The following PDE8B variants were observed in gnomAD, a reference collection of about 807,000 sequenced individuals.
PDE8B encodes high affinity cAMP-specific and IBMX-insensitive 3',5'-cyclic phosphodiesterase 8B.
PDE8B carries 26 observed loss-of-function variants against 101.3 expected under a neutral mutation model. That is an observed-to-expected ratio of 0.26 (90% confidence interval 0.19 to 0.36). PDE8B has a LOEUF of 0.36. PDE8B is among the 10% of genes least tolerant of loss of function. The probability of loss-of-function intolerance (pLI) is 1.00; values close to 1 mark genes in which losing one functional copy is unlikely to be tolerated. For synonymous variants in PDE8B, 424 were observed against 429.3 expected (o/e 0.99, Z 0.15); for missense variants, 810 against 1,163.1 (o/e 0.70, Z 4.42).
chr5:77,210,730 T>G lies in PDE8B; in HGVS notation c.-196T>G, dbSNP rs1183600247. 1.0e-6 allele frequency: 1 copy of G among 980,404 alleles called. No homozygotes were observed. Among genetic ancestry groups the G allele is most frequent in the African/African-American group, 1.8e-5 (1 of 56,514 alleles). The allele number at this position is 980,404 out of a possible 1,614,324, so 60.7% of individuals were successfully genotyped here. The stretch of plus-strand genomic sequence containing the variant: ...GAGGAAGATGGCCCAAAAGGGAAAG[T>G]TGGGGTGACGCGCGCGGTCCCCGGA... On this transcript the variant is annotated 5_prime_UTR_variant, in exon 1 of 22. Transcript: ENST00000264917. The surrounding 1 kb of genome is among the most constrained non-coding windows in gnomAD (Gnocchi z 4.9).
At chr5:77,140,934 A>G in the PDE8B span, 1 of 152,056 alleles carries the variant, frequency 6.6e-6, no homozygotes, top group African/African-American at 2.4e-5. Context: ...ACATACATGT[A>G]TGTGTGTGTG....
intron 1 of PDE8B, among the ~76,000 whole-genome samples, chr5:77,299,656 T>C (rs1197659236): frequency 3.3e-5 from 5 of 152,144 alleles, no homozygotes; most frequent in African/African-American, 1.2e-4. Flanking sequence ...CCACATTTTC[T>C]TAATCCAGTC....
chr5:77,399,602 A>G (rs77373037), intron 10 of PDE8B, among the ~76,000 whole-genome samples: 3,088 of 152,340 alleles, frequency 0.02, 40 homozygotes, highest in Middle Eastern at 0.027. Flanking sequence ...GCAGGATCCC[A>G]AAGAAAGCAC....
chr5:77,419,683 T>G, intron 18 of PDE8B, 84 bp from the exon 19 acceptor site: 2 of 1,487,250 alleles, frequency 1.3e-6, no homozygotes, highest in African/African-American at 1.4e-5. Context: ...TCCTAGGTTG[T>G]GAGGAGTGTA....
At chr5:77,402,344 G>A (rs1476538206) in intron 11 of PDE8B, among the ~76,000 whole-genome samples, 2 of 151,988 alleles carry the variant, frequency 1.3e-5, no homozygotes, top group Non-Finnish European at 2.9e-5. Flanking sequence ...AAAAGAGATA[G>A]TATAATAAAT....
At chr5:77,303,562 C>T (rs1237148798) in intron 1 of PDE8B, among the ~76,000 whole-genome samples, 1 of 134,210 alleles carries the variant, frequency 7.5e-6, no homozygotes, top group Non-Finnish European at 1.6e-5. Flanking sequence ...GAGCAAGACT[C>T]CATCTCAAAA....
chr5:77,370,926 CT>C (rs1431481760), intron 10 of PDE8B, among the ~76,000 whole-genome samples: 1 of 152,064 alleles, frequency 6.6e-6, no homozygotes, highest in Non-Finnish European at 1.5e-5. Context: ...TGCTATTGGT[CT>C]TTTTTAAATG....
At chr5:77,359,317 C>T (rs1025870421) in intron 10 of PDE8B, among the ~76,000 whole-genome samples, 3 of 152,172 alleles carry the variant, frequency 2.0e-5, no homozygotes, top group Admixed American at 6.5e-5. Context: ...GCTCTCTTGG[C>T]TTGCGAGGGA....
At chr5:77,383,512 A>G (rs908848616) in intron 10 of PDE8B, among the ~76,000 whole-genome samples, 1 of 152,122 alleles carries the variant, frequency 6.6e-6, no homozygotes, top group Admixed American at 6.5e-5. Flanking sequence ...GTCTGACTTC[A>G]TGATTAAAAC....
chr5:77,146,933 C>T, the PDE8B span: 6 of 455,164 alleles, frequency 1.3e-5, no homozygotes, highest in South Asian at 1.8e-5. Flanking sequence ...CCTGGCCTAT[C>T]CATTGGTGAG....
chr5:77,160,354 G>A, the PDE8B span, among the ~76,000 whole-genome samples: 1 of 152,162 alleles, frequency 6.6e-6, no homozygotes, highest in Non-Finnish European at 1.5e-5. Flanking sequence ...GAGTCCCACA[G>A]TCGACCCTGC....
intron 6 of PDE8B, among the ~76,000 whole-genome samples, chr5:77,342,785 A>G (rs565311456): frequency 6.6e-6 from 1 of 152,324 alleles, no homozygotes; most frequent in South Asian, 2.1e-4. Flanking sequence ...AAAAGTCCCC[A>G]CTGGAGAGCT....
intron 1 of PDE8B, among the ~76,000 whole-genome samples, chr5:77,307,020 C>T (rs1181021029): frequency 6.6e-6 from 1 of 152,186 alleles, no homozygotes; most frequent in Non-Finnish European, 1.5e-5. Flanking sequence ...TCCCAAGTCA[C>T]AGATCTTATT....
chr5:77,378,009 TACACACACACACACACACACACACACAC>T (rs3031820), intron 10 of PDE8B, among the ~76,000 whole-genome samples: 8 of 134,486 alleles, frequency 5.9e-5, no homozygotes, highest in South Asian at 2.4e-4. Flanking sequence ...CCTCTCTCTC[TACACACACACACACACACACACACACAC>T]ACACACACAC....
chr5:77,362,846 G>T (rs2150571619), intron 10 of PDE8B, among the ~76,000 whole-genome samples: 1 of 152,252 alleles, frequency 6.6e-6, no homozygotes, highest in East Asian at 1.9e-4. Flanking sequence ...CCTGAGCCAG[G>T]TCAGGAGCCC....
At chr5:77,378,652 G>A (rs1786829015) in intron 10 of PDE8B, among the ~76,000 whole-genome samples, 1 of 152,108 alleles carries the variant, frequency 6.6e-6, no homozygotes, top group Non-Finnish European at 1.5e-5. Context: ...AGCTTCAGGT[G>A]TTGCCAATGC....
At chr5:77,398,937 C>G (rs548986828) in intron 10 of PDE8B, among the ~76,000 whole-genome samples, 1 of 152,304 alleles carries the variant, frequency 6.6e-6, no homozygotes, top group East Asian at 1.9e-4. Context: ...ACCCCAAAGT[C>G]CGAGGAAGCT....
chr5:77,194,662 A>T, the PDE8B span, among the ~76,000 whole-genome samples: 189 of 152,168 alleles, frequency 1.2e-3, no homozygotes, highest in African/African-American at 4.5e-3. Flanking sequence ...GGATTTGCCT[A>T]TTCTAGATAT....
chr5:77,128,306 G>A, the PDE8B span, among the ~76,000 whole-genome samples: 10 of 152,232 alleles, frequency 6.6e-5, no homozygotes, highest in South Asian at 8.3e-4. Flanking sequence ...TACAGTGACC[G>A]TCCTGGCTAC....
Sources: allele counts gnomAD v4.1 joint callset (sites outside exome capture counted in the v4.1 genomes callset), GRCh38; gene constraint gnomAD v4.1.1; non-coding constraint Gnocchi (gnomAD v3.1); transcripts MANE v1.5; gene names NCBI Gene and HGNC (gene_info 2026-07-23, HGNC 2026-07-21).